The following NRAP variants were observed in gnomAD, a reference collection of about 807,000 sequenced individuals.
The protein encoded by NRAP is nebulin related anchoring protein.
A neutral mutation model predicts 225.9 loss-of-function variants in NRAP; 189 were observed. The ratio of observed to expected loss-of-function variants is 0.84; its 90% confidence interval spans 0.74 to 0.94. The LOEUF (loss-of-function observed/expected upper bound fraction) is 0.94. Ranked by LOEUF, NRAP falls within the 40% of genes least tolerant of loss-of-function variation. The pLI, the probability that NRAP is intolerant of heterozygous loss-of-function variation, is 0.00. For synonymous variants in NRAP, 769 were observed against 790.7 expected (o/e 0.97, Z 0.46); for missense variants, 2,176 against 2,168.7 (o/e 1.00, Z -0.07).
At chr10:113,613,836 T>C (rs1847473670) in intron 29 of NRAP, among the ~76,000 whole-genome samples, 1 of 152,086 alleles carries the variant, frequency 6.6e-6, no homozygotes, top group Non-Finnish European at 1.5e-5. Flanking sequence ...TATAAAATTT[T>C]CCATTTTTAA....
At chr10:113,652,848 CT>C (rs1850063359) in intron 6 of NRAP, 86 bp downstream of exon 6, 1 of 865,536 alleles carries the variant, frequency 1.2e-6, no homozygotes. Flanking sequence ...CCAAAGCACT[CT>C]CTTACTGTTT....
Position 113,597,984 on chromosome 10 carries a change from T to C in NRAP, c.4317A>G (p.Gly1439=), listed in dbSNP as rs1323671139. 1 of 1,611,546 alleles carries C rather than the reference T, an allele frequency of 6.2e-7. No homozygotes were observed. ...TTGATGGTACCTCGCTGATGAGTTC[T>C]CCAGCCTTCTTTGCACTCTCCATCT... ...SPQMESAKKA[G]ELISETKYRK... is the part of the protein sequence containing the mutation. The change falls in exon 36 of 42, where the codon GGA becomes GGG. Residue 1439 remains glycine, a synonymous_variant. Transcript: ENST00000359988.
rs1849004324 is a variant in NRAP at position 113,638,410 on chromosome 10, C to G, written c.1428+1817G>C. Among the ~76,000 whole-genome samples, 3 of 152,246 alleles carry G rather than the reference C, an allele frequency of 2.0e-5. No homozygotes were observed. In the South Asian group the frequency reaches 6.2e-4, roughly 32 times the overall value. On this transcript the variant is annotated intron_variant, in intron 14 of 41. Transcript: ENST00000359988. ...ATAAAATCTATCTAAAGGGAATGCT[C>G]TCAAATTAAGAACCCATGCTTGCTT...
At chr10:113,660,381 A>T (rs1850597523) in intron 3 of NRAP, among the ~76,000 whole-genome samples, 1 of 152,070 alleles carries the variant, frequency 6.6e-6, no homozygotes, top group East Asian at 1.9e-4. Context: ...ACACATATAT[A>T]TACACATATA....
Position 113,589,255 on chromosome 10 carries a change from A to G in NRAP, c.5089-176T>C, listed in dbSNP as rs1022242932. On this transcript the variant is annotated intron_variant, in intron 41 of 41. Transcript: ENST00000359988. ...AAAGGGCCTTCAAGGCAGGAATGAG[A>G]AAGCAAAGCCAATCTCTCATTTAGA... is the stretch of plus-strand genomic sequence containing the variant. 6.3e-5 allele frequency: 38 copies of G among 599,664 alleles called. 1 individual carries two copies. The Admixed American group carries it at 1.2e-3, about 19-fold the overall frequency. 37.1% of individuals were successfully genotyped at this position (599,664 alleles called of 1,614,324 possible).
At chr10:113,598,281 G>C (rs897639324) in intron 35 of NRAP, among the ~76,000 whole-genome samples, 1 of 147,058 alleles carries the variant, frequency 6.8e-6, no homozygotes, top group African/African-American at 2.5e-5. Context: ...CATCACATAC[G>C]AGATACAAGA....
intron 39 of NRAP, 107 bp downstream of exon 39, chr10:113,592,085 CAG>C (rs571547466): frequency 1.2e-4 from 69 of 555,198 alleles, no homozygotes; most frequent in Admixed American, 2.2e-4. Flanking sequence ...AGTTTTGGTG[CAG>C]AGAGAGAGAT....
chr10:113,605,006 GT>G (rs1452667149), intron 34 of NRAP, 86 bp from the exon 35 acceptor site: 8 of 1,463,104 alleles, frequency 5.5e-6, no homozygotes, highest in Middle Eastern at 3.6e-4. Flanking sequence ...ACACTAGGAG[GT>G]GATGATTATA....
At chr10:113,623,738 C>T (rs1848132660) in intron 22 of NRAP, 102 bp from the exon 23 acceptor site, 1 of 741,602 alleles carries the variant, frequency 1.3e-6, no homozygotes, top group African/African-American at 1.7e-5. Context: ...GAAAGCAATA[C>T]TGATTATTAC....
chr10:113,657,832 T>C (rs1171896810), intron 3 of NRAP, among the ~76,000 whole-genome samples: 1 of 152,218 alleles, frequency 6.6e-6, no homozygotes, highest in East Asian at 1.9e-4. Flanking sequence ...AAAGTCTTTA[T>C]AAACCTACCA....
At chr10:113,655,118 G>A (rs1349055486) in intron 4 of NRAP, among the ~76,000 whole-genome samples, 1 of 152,162 alleles carries the variant, frequency 6.6e-6, no homozygotes, top group Admixed American at 6.5e-5. Flanking sequence ...AGCAATCAGG[G>A]ACATCTAAAT....
At position 113,590,598 on chromosome 10, in the gene NRAP, C is replaced by G; in HGVS notation, c.4936G>C (p.Ala1646Pro). The part of the protein sequence containing the change: ...EQLGLRHAQK[A>P]HQLQSDVKYK... ...CTCACATCACTCTGCAGCTGGTGGG[C>G]CTTCTGAGCATGCCTGAGGCCCAGC... The change falls in exon 40 of 42, where the codon GCC (alanine) becomes CCC (proline). Residue 1646 changes from alanine (A) to proline (P), a missense_variant. Physicochemically the swap from Ala to Pro is conservative, Grantham distance 27. Coordinates refer to ENST00000359988, the MANE Select transcript of NRAP (RefSeq NM_198060.4). 1 of 1,612,128 alleles carries G rather than the reference C, an allele frequency of 6.2e-7. No homozygotes were observed. Among genetic ancestry groups the G allele is most frequent in the Non-Finnish European group, 8.5e-7 (1 of 1,179,784 alleles).
rs763835784 is a variant in NRAP, at chr10:113,604,792, C to T, written c.4044G>A (p.Arg1348=). ...ACTGGGCTTGGCTGCTGGTCGCCCC[C>T]CTCCTGTACTGAAGCTCGCTCTGCA... ...GQLQSELQYR[R]GATSSQAQFH... is the part of the protein sequence containing the mutation. The change falls in exon 35 of 42, where the codon AGG becomes AGA. Residue 1348 remains arginine, a synonymous_variant. Transcript: ENST00000359988. The T allele has an allele frequency of 5.0e-6, 8 of 1,614,072 alleles. No individual in the cohort carries two copies. The highest frequency in any genetic ancestry group is 1.1e-5 in the South Asian group (1 of 91,082).
At chr10:113,641,285 G>T in intron 13 of NRAP, 80 bp downstream of exon 13, 1 of 829,564 alleles carries the variant, frequency 1.2e-6, no homozygotes, top group African/African-American at 1.7e-5. Context: ...TTTTTTTAAG[G>T]GGAATTTAAA....
chr10:113,634,180 T>A lies in NRAP; in HGVS notation c.1459A>T (p.Lys487Ter). The A allele has an allele frequency of 1.2e-6, 2 of 1,613,630 alleles. No homozygotes were observed. The highest frequency in any genetic ancestry group is 1.7e-6 in the Non-Finnish European group (2 of 1,179,566). Reference sequence around the variant, plus strand: ...GGGGTGTCAGTCACCGAGCTGTACTTCAACTTGTCGATGCTCTGCCTATAA... The same window carrying A: ...GGGGTGTCAGTCACCGAGCTGTACTACAACTTGTCGATGCTCTGCCTATAA... ...ANYRQSIDKLKYSSVTDTPQI... is the reference protein window; with the variant it reads ...ANYRQSIDKL The change falls in exon 15 of 42, where the codon AAG (lysine) becomes TAG (stop). Residue 487 changes from lysine (K) to a stop codon, truncating the protein, a stop_gained. Transcript: ENST00000359988. LOFTEE classifies it high-confidence loss of function.
intron 6 of NRAP, among the ~76,000 whole-genome samples, chr10:113,652,734 C>G (rs1592866442): frequency 6.6e-6 from 1 of 152,158 alleles, no homozygotes; most frequent in Admixed American, 6.5e-5. Context: ...ACATTCTTCT[C>G]TGTATTTTAT....
At position 113,652,749 on chromosome 10, in the gene NRAP, A is replaced by G. The variant is rs533688261; in HGVS notation, c.570+186T>C. On this transcript the variant is annotated intron_variant, in intron 6 of 41. Coordinates refer to ENST00000359988, the MANE Select transcript of NRAP (RefSeq NM_198060.4). ...ACATTCTTCTCTGTATTTTATAGAC[A>G]TGGTCCAATCACAGCACAGAGAATA... is the stretch of plus-strand genomic sequence containing the variant. Among the ~76,000 whole-genome samples the G allele has an allele frequency of 1.1e-3, 160 of 152,342 alleles. 5 individuals carry two copies. In the South Asian group the frequency reaches 0.029, roughly 27 times the overall value.
intron 38 of NRAP, among the ~76,000 whole-genome samples, chr10:113,595,076 A>G (rs1473062725): frequency 6.6e-6 from 1 of 152,256 alleles, no homozygotes; most frequent in African/African-American, 2.4e-5. Flanking sequence ...TTTAGGAAAC[A>G]GTAGCTTGGT....
At chr10:113,615,040 G>A (rs1847565561) in intron 27 of NRAP, 94 bp from the exon 28 acceptor site, 1 of 780,628 alleles carries the variant, frequency 1.3e-6, no homozygotes. Flanking sequence ...TTTGTGGTGG[G>A]TCCCCTCCCT....
Sources: allele counts gnomAD v4.1 joint callset (sites outside exome capture counted in the v4.1 genomes callset), GRCh38; gene constraint gnomAD v4.1.1; transcripts MANE v1.5; gene names NCBI Gene and HGNC (gene_info 2026-07-23, HGNC 2026-07-21).